The following GMDS variants were observed in gnomAD, a reference collection of about 807,000 sequenced individuals.
The protein encoded by GMDS is GDP-mannose 4,6-dehydratase.
In GMDS, 20 loss-of-function variants were observed where a neutral mutation model predicts 49.9. The observed-to-expected ratio is 0.40, with a 90% CI of 0.28 to 0.58. GMDS has a LOEUF of 0.58. GMDS is among the 20% of genes least tolerant of loss of function. The pLI, the probability that GMDS is intolerant of heterozygous loss-of-function variation, is 0.42. For synonymous variants in GMDS, 177 were observed against 178.6 expected, an observed-to-expected ratio of 0.99 and a Z score of 0.07; for missense variants, 362 against 481.4, an observed-to-expected ratio of 0.75 and a Z score of 2.32.
chr6:1,659,877 G>A (rs922632996), intron 9 of GMDS, among the ~76,000 whole-genome samples: 1 of 151,224 alleles, frequency 6.6e-6, no homozygotes. Flanking sequence ...AAAAAAGAAA[G>A]AGTAACAGCC....
intron 4 of GMDS, among the ~76,000 whole-genome samples, chr6:2,031,775 G>C (rs1768980707): frequency 6.6e-6 from 1 of 152,196 alleles, no homozygotes; most frequent in African/African-American, 2.4e-5. Context: ...GGGCAAGCCT[G>C]GCGGGTACCT....
intron 7 of GMDS, among the ~76,000 whole-genome samples, chr6:1,871,079 C>CACAA (rs1229811102): frequency 6.6e-6 from 1 of 150,606 alleles, no homozygotes; most frequent in African/African-American, 2.5e-5. Context: ...CACACACACA[C>CACAA]ACACACACTT....
intron 8 of GMDS, among the ~76,000 whole-genome samples, chr6:1,738,074 A>ACACACACAC (rs1561769727): frequency 2.0e-5 from 3 of 147,114 alleles, no homozygotes; most frequent in African/African-American, 7.6e-5. Context: ...CACACATACC[A>ACACACACAC]CACACACACC....
chr6:2,088,208 T>A (rs1382467401), intron 4 of GMDS, among the ~76,000 whole-genome samples: 1 of 152,008 alleles, frequency 6.6e-6, no homozygotes, highest in Non-Finnish European at 1.5e-5. Context: ...GCTTAATTAG[T>A]GATAGCGGAG....
intron 6 of GMDS, among the ~76,000 whole-genome samples, chr6:1,942,023 C>T (rs778761559): frequency 2.6e-5 from 4 of 152,210 alleles, no homozygotes; most frequent in Admixed American, 1.3e-4. Context: ...ATGCTGACTG[C>T]GCTCTCCAGC....
At position 2,184,495 on chromosome 6, in the gene GMDS, C is replaced by T. The variant is rs576032129; in HGVS notation, c.103-59764G>A. Among the ~76,000 whole-genome samples the T allele has an allele frequency of 5.0e-4, 76 of 152,220 alleles. 1 individual carries two copies. The highest frequency in any genetic ancestry group is 1.7e-3 in the African/African-American group (69 of 41,532). On this transcript the variant is annotated intron_variant, in intron 1 of 10. Transcript: ENST00000380815. ...GCTTTTTGCTACTTTGAGGTCTTTGCACTTCTATTTGTTCTGCCTAGAAAG... is the reference window on the plus strand; with the variant it reads ...GCTTTTTGCTACTTTGAGGTCTTTGTACTTCTATTTGTTCTGCCTAGAAAG...
At chr6:1,926,020 G>A (rs1348707836) in intron 7 of GMDS, among the ~76,000 whole-genome samples, 1 of 152,178 alleles carries the variant, frequency 6.6e-6, no homozygotes, top group Admixed American at 6.5e-5. Context: ...GTTTGGCTGG[G>A]GCGGAGAGAG....
chr6:1,826,222 G>C (rs775289700), intron 7 of GMDS, among the ~76,000 whole-genome samples: 1 of 152,150 alleles, frequency 6.6e-6, no homozygotes, highest in Non-Finnish European at 1.5e-5. Context: ...ATTGTGCTAT[G>C]ATGTTTGGAT....
intron 2 of GMDS, among the ~76,000 whole-genome samples, chr6:2,120,217 C>T (rs1775065255): frequency 6.6e-6 from 1 of 152,156 alleles, no homozygotes; most frequent in African/African-American, 2.4e-5. Context: ...TTACTGGTCC[C>T]ATTCCATGAA....
intron 6 of GMDS, among the ~76,000 whole-genome samples, chr6:1,935,866 T>A (rs2127252491): frequency 6.6e-6 from 1 of 152,272 alleles, no homozygotes; most frequent in East Asian, 1.9e-4. Context: ...ATATGCTGGG[T>A]AAAATATTAC....
chr6:2,044,135 A>G (rs967401664), intron 4 of GMDS, among the ~76,000 whole-genome samples: 6 of 152,234 alleles, frequency 3.9e-5, no homozygotes, highest in African/African-American at 1.4e-4. Context: ...TTGTTCAAAC[A>G]CTGTGAAAAG....
At chr6:1,708,273 T>C (rs1322273957) in intron 9 of GMDS, among the ~76,000 whole-genome samples, 2 of 152,226 alleles carry the variant, frequency 1.3e-5, no homozygotes, top group Non-Finnish European at 1.5e-5. Flanking sequence ...AGGCTGTAAC[T>C]TTCCCGACAC....
intron 7 of GMDS, among the ~76,000 whole-genome samples, chr6:1,819,564 C>T (rs2113699754): frequency 6.6e-6 from 1 of 151,930 alleles, no homozygotes; most frequent in African/African-American, 2.4e-5. Context: ...AGTTTGAGAC[C>T]AGCCTGGCCA....
intron 7 of GMDS, among the ~76,000 whole-genome samples, chr6:1,846,153 C>T (rs1757401960): frequency 6.6e-6 from 1 of 150,394 alleles, no homozygotes; most frequent in Admixed American, 6.6e-5. Context: ...AGTGCAGTGC[C>T]ACAATCACAG....
At chr6:1,935,763 GATA>G (rs1162070478) in intron 6 of GMDS, among the ~76,000 whole-genome samples, 3 of 152,212 alleles carry the variant, frequency 2.0e-5, no homozygotes, top group African/African-American at 7.2e-5. Flanking sequence ...GTTGGATTGA[GATA>G]ATGAGTTTTG....
chr6:1,823,221 T>C (rs1023530819), intron 7 of GMDS, among the ~76,000 whole-genome samples: 1 of 152,202 alleles, frequency 6.6e-6, no homozygotes, highest in Non-Finnish European at 1.5e-5. Context: ...AAACACAGCA[T>C]GGTAGTTACT....
chr6:1,882,506 C>T (rs3800117), intron 7 of GMDS, among the ~76,000 whole-genome samples: 48,883 of 151,956 alleles, frequency 0.32, 7,821 homozygotes, highest in Middle Eastern at 0.37. Context: ...TACAAGATTC[C>T]ATATTTTGCA....
intron 7 of GMDS, among the ~76,000 whole-genome samples, chr6:1,806,459 C>T (rs1201017854): frequency 6.6e-6 from 1 of 151,864 alleles, no homozygotes; most frequent in African/African-American, 2.4e-5. Flanking sequence ...CACACACACA[C>T]ACACACACAC....
intron 1 of GMDS, among the ~76,000 whole-genome samples, chr6:2,163,017 C>G (rs1200102416): frequency 6.6e-6 from 1 of 152,212 alleles, no homozygotes; most frequent in Non-Finnish European, 1.5e-5. Context: ...ACAGCTCTCT[C>G]ATTTTCTCAT....
Sources: gnomAD v4.1 joint callset for allele counts (sites outside exome capture counted in the v4.1 genomes callset) on GRCh38, gnomAD v4.1.1 for gene constraint, MANE v1.5 for transcripts, NCBI Gene and HGNC (gene_info 2026-07-23, HGNC 2026-07-21) for gene names.